The following CENPP variants were observed in gnomAD, a reference collection of about 807,000 sequenced individuals.
CENPP encodes the protein centromere protein P.
Under a neutral mutation model 35.6 loss-of-function variants are expected in CENPP, and 24 were observed. The ratio of observed to expected loss-of-function variants is 0.67; its 90% CI spans 0.49 to 0.95. CENPP has a LOEUF of 0.95. CENPP is among the 40% of genes least tolerant of loss of function. The pLI is 0.00. For missense variants in CENPP, 332 were observed against 345.3 expected (o/e 0.96, Z 0.31); for synonymous variants, 120 against 125.5 (o/e 0.96, Z 0.29).
At chr9:92,479,332 G>A (rs1381209076) in intron 5 of CENPP, among the ~76,000 whole-genome samples, 1 of 152,128 alleles carries the variant, frequency 6.6e-6, no homozygotes. Context: ...TCAAAACTGC[G>A]GTAAAATTAA....
At chr9:92,444,037 C>T (rs1844489533) in intron 5 of CENPP, among the ~76,000 whole-genome samples, 1 of 151,984 alleles carries the variant, frequency 6.6e-6, no homozygotes, top group Admixed American at 6.6e-5. Context: ...GAAATAAACT[C>T]GACATATATG....
At chr9:92,370,655 A>AT (rs1362615859) in intron 4 of CENPP, among the ~76,000 whole-genome samples, 3 of 151,574 alleles carry the variant, frequency 2.0e-5, no homozygotes, top group Non-Finnish European at 2.9e-5. Flanking sequence ...TAATTTTTGT[A>AT]TTTTTTTGTA....
intron 5 of CENPP, among the ~76,000 whole-genome samples, chr9:92,538,839 C>A (rs1849250349): frequency 6.6e-6 from 1 of 152,196 alleles, no homozygotes; most frequent in African/African-American, 2.4e-5. Context: ...ACAGGGCCAT[C>A]TGCCTATGAA....
At chr9:92,436,142 C>T (rs1349316316) in intron 5 of CENPP, among the ~76,000 whole-genome samples, 2 of 152,186 alleles carry the variant, frequency 1.3e-5, no homozygotes, top group Non-Finnish European at 2.9e-5. Flanking sequence ...TTTTAATTTG[C>T]ATTTCCCAAA....
chr9:92,567,387 T>TATATATATAG (rs1554688286), intron 5 of CENPP, among the ~76,000 whole-genome samples: 8 of 89,808 alleles, frequency 8.9e-5, no homozygotes, highest in Non-Finnish European at 1.8e-4. Context: ...TATATATATA[T>TATATATATAG]ATATATATAG....
At chr9:92,466,270 G>A in intron 5 of CENPP, 1 of 881,460 alleles carries the variant, frequency 1.1e-6, no homozygotes, top group Non-Finnish European at 1.7e-6. Context: ...ATTAATTTTG[G>A]AAATTATTCT....
intron 5 of CENPP, among the ~76,000 whole-genome samples, chr9:92,412,937 T>C (rs542624669): frequency 6.6e-6 from 1 of 151,326 alleles, no homozygotes; most frequent in South Asian, 2.1e-4. Flanking sequence ...ATTGGGTATA[T>C]AGTTAGGAAT....
chr9:92,500,298 T>G (rs912552340), intron 5 of CENPP, among the ~76,000 whole-genome samples: 2 of 152,184 alleles, frequency 1.3e-5, no homozygotes, highest in African/African-American at 4.8e-5. Context: ...TTCTCCCACC[T>G]CAGCCTCCTG....
intron 5 of CENPP, among the ~76,000 whole-genome samples, chr9:92,523,135 C>T (rs1457349566): frequency 6.6e-6 from 1 of 151,468 alleles, no homozygotes; most frequent in Non-Finnish European, 1.5e-5. Context: ...GGCTGGAGTG[C>T]AGTGGTTCAG....
intron 4 of CENPP, among the ~76,000 whole-genome samples, chr9:92,371,368 C>T (rs1352005227): frequency 1.3e-5 from 2 of 151,842 alleles, no homozygotes; most frequent in African/African-American, 4.8e-5. Context: ...TTTTGTTGAC[C>T]CAGTGATCAT....
At chr9:92,416,799 C>T (rs763598033) in intron 5 of CENPP, 4 of 1,613,648 alleles carry the variant, frequency 2.5e-6, no homozygotes, top group Non-Finnish European at 2.5e-6. Context: ...GGAAGTTTGT[C>T]GAAGTATTTT....
At chr9:92,611,259 T>G (rs1360611881) in intron 5 of CENPP, 55 bp from the exon 6 acceptor site, 1 of 1,436,046 alleles carries the variant, frequency 7.0e-7, no homozygotes, top group Non-Finnish European at 9.8e-7. Context: ...GCCCCTCCCA[T>G]GGCCCCTTTC....
At chr9:92,385,253 C>A in intron 5 of CENPP, 1 of 163,476 alleles carries the variant, frequency 6.1e-6, no homozygotes, top group East Asian at 1.8e-4. Flanking sequence ...CAGTAAAGGC[C>A]AGGAAAGGCA....
chr9:92,365,300 T>A (rs1841858546), intron 4 of CENPP, among the ~76,000 whole-genome samples: 1 of 151,586 alleles, frequency 6.6e-6, no homozygotes, highest in African/African-American at 2.4e-5. Context: ...GACCTAGGAG[T>A]ACATGGAGGA....
chr9:92,417,481 CTGA>C lies in CENPP; in HGVS notation c.564+37624_564+37626del, dbSNP rs761557461. ...GCTCTTGGTCATAGTCTTCATCCCA[CTGA>C]TAAGTTTCATATTGGCAATGTACTT... On this transcript the variant is annotated intron_variant, in intron 5 of 7. Transcript: ENST00000375587. The C allele has an allele frequency of 1.5e-5, 25 of 1,613,788 alleles. No individual in the cohort carries two copies. The African/African-American group carries it at 3.3e-4, about 22-fold the overall frequency.
intron 5 of CENPP, among the ~76,000 whole-genome samples, chr9:92,518,591 C>A (rs1304861529): frequency 2.0e-5 from 3 of 152,144 alleles, no homozygotes; most frequent in Non-Finnish European, 4.4e-5. Flanking sequence ...CTATAATATT[C>A]ACCCTTTTGA....
chr9:92,550,179 C>T (rs1050015492), intron 5 of CENPP, among the ~76,000 whole-genome samples: 8 of 152,126 alleles, frequency 5.3e-5, no homozygotes, highest in East Asian at 1.9e-4. Context: ...AGGAGGATCA[C>T]GAGGTCAGGA....
rs549180678 is a variant in CENPP at position 92,567,184 on chromosome 9, A to G, written c.565-44130A>G. Among the ~76,000 whole-genome samples, 8 of 152,184 alleles carry G rather than the reference A, an allele frequency of 5.3e-5. No homozygotes were observed. The East Asian group carries it at 1.5e-3, about 29-fold the overall frequency. ...ACAGGGTGAAATGAAAGGACCATAG[A>G]CAGCAACTCAAAACAACGTGAAGAA... On this transcript the variant is annotated intron_variant, in intron 5 of 7. Coordinates refer to ENST00000375587, the MANE Select transcript of CENPP (RefSeq NM_001012267.3).
chr9:92,579,627 C>T (rs1850369530), intron 5 of CENPP, among the ~76,000 whole-genome samples: 1 of 150,822 alleles, frequency 6.6e-6, no homozygotes, highest in Admixed American at 6.6e-5. Flanking sequence ...TATAAGAATG[C>T]TTGTGATTTT....
Sources: gnomAD v4.1 joint callset for allele counts (sites outside exome capture counted in the v4.1 genomes callset) on GRCh38, gnomAD v4.1.1 for gene constraint, MANE v1.5 for transcripts, NCBI Gene and HGNC (gene_info 2026-07-23, HGNC 2026-07-21) for gene names.